The following ME3 variants were observed in gnomAD, a reference collection of about 807,000 sequenced individuals.
ME3 encodes malic enzyme 3.
Under a neutral mutation model 68.9 loss-of-function variants are expected in ME3, and 48 were observed. The ratio of observed to expected loss-of-function variants is 0.70; its 90% CI spans 0.55 to 0.89. The LOEUF is 0.89. Among genes scored for constraint, ME3 ranks in the 40% least tolerant of loss-of-function variants. The probability of loss-of-function intolerance (pLI) is 0.00; values close to 1 mark genes in which losing one functional copy is unlikely to be tolerated. For missense variants in ME3, 675 were observed against 797.4 expected (o/e 0.85, Z 1.85); for synonymous variants, 320 against 318.8 (o/e 1.00, Z -0.04).
chr11:86,520,923 G>C (rs1466985917), intron 4 of ME3, among the ~76,000 whole-genome samples: 4 of 152,182 alleles, frequency 2.6e-5, no homozygotes, highest in Admixed American at 1.3e-4. Context: ...GAAGAAGGTA[G>C]AACAGATAAC....
chr11:86,542,252 C>T (rs1051978308), intron 4 of ME3, among the ~76,000 whole-genome samples: 2 of 152,138 alleles, frequency 1.3e-5, no homozygotes, highest in Non-Finnish European at 2.9e-5. Flanking sequence ...TCTTCTGCTC[C>T]AAAGGATCAC....
exon 12 of ME3, chr11:86,447,151 A>G: frequency 6.2e-7 from 1 of 1,614,186 alleles, no homozygotes; most frequent in Non-Finnish European, 8.5e-7. Flanking sequence ...CGCTCGTGGA[A>G]GGAGGCCATG....
At chr11:86,649,479 G>C (rs1026451169) in intron 2 of ME3, among the ~76,000 whole-genome samples, 1 of 152,208 alleles carries the variant, frequency 6.6e-6, no homozygotes, top group African/African-American at 2.4e-5. Flanking sequence ...TCTGGCATGA[G>C]AAAGAAATAA....
At chr11:86,457,701 C>A in intron 8 of ME3, 1 of 1,288,826 alleles carries the variant, frequency 7.8e-7, no homozygotes, top group African/African-American at 1.5e-5. Context: ...CAGGGATGTG[C>A]TGGAACATGA....
At chr11:86,556,785 G>T (rs1386217903) in intron 3 of ME3, 83 bp from the exon 4 acceptor site, 1 of 1,469,168 alleles carries the variant, frequency 6.8e-7, no homozygotes, top group Non-Finnish European at 9.3e-7. Context: ...AAGACCCAAG[G>T]CTCCTGTTCC....
At chr11:86,657,001 C>T (rs4944622) in intron 2 of ME3, among the ~76,000 whole-genome samples, 30,150 of 152,058 alleles carry the variant, frequency 0.2, 3,799 homozygotes, top group East Asian at 0.56. Context: ...GAAATAGGAA[C>T]GCTTTTATAC....
intron 2 of ME3, among the ~76,000 whole-genome samples, chr11:86,565,200 T>TACAC (rs751891045): frequency 6.6e-6 from 1 of 151,290 alleles, no homozygotes; most frequent in African/African-American, 2.4e-5. Context: ...CACGTACACA[T>TACAC]ACACACACAC....
chr11:86,667,951 T>C (rs1283860572), intron 2 of ME3: 1 of 152,056 alleles, frequency 6.6e-6, no homozygotes, highest in African/African-American at 2.4e-5. Context: ...ATAGAAGAGG[T>C]CATTACATAA....
chr11:86,560,748 G>GTGTATATATATA (rs1243025217), intron 2 of ME3, among the ~76,000 whole-genome samples: 7 of 62,524 alleles, frequency 1.1e-4, no homozygotes, highest in African/African-American at 4.1e-4. Context: ...GTGTGTGTGT[G>GTGTATATATATA]TATATATATA....
intron 2 of ME3, among the ~76,000 whole-genome samples, chr11:86,625,294 C>T (rs1196885719): frequency 1.3e-5 from 2 of 151,820 alleles, no homozygotes; most frequent in African/African-American, 2.4e-5. Flanking sequence ...GGATTGTTTC[C>T]ACGCAGCAAG....
intron 2 of ME3, among the ~76,000 whole-genome samples, chr11:86,592,356 G>A (rs986020390): frequency 8.5e-5 from 13 of 152,158 alleles, no homozygotes; most frequent in Non-Finnish European, 1.3e-4. Flanking sequence ...CCTTGAGGGG[G>A]GGAAATAGGC....
intron 2 of ME3, among the ~76,000 whole-genome samples, chr11:86,658,558 G>A (rs1185990764): frequency 6.6e-6 from 1 of 152,144 alleles, no homozygotes; most frequent in African/African-American, 2.4e-5. Flanking sequence ...GGAGGCAGCT[G>A]ACTCTGTCCA....
chr11:86,580,343 G>T (rs1236839153), intron 2 of ME3, among the ~76,000 whole-genome samples: 1 of 151,936 alleles, frequency 6.6e-6, no homozygotes, highest in Non-Finnish European at 1.5e-5. Flanking sequence ...TGGCTACCAG[G>T]CTTTTCTAAA....
At chr11:86,538,212 A>G (rs1342265040) in intron 4 of ME3, among the ~76,000 whole-genome samples, 1 of 152,154 alleles carries the variant, frequency 6.6e-6, no homozygotes, top group African/African-American at 2.4e-5. Context: ...AGTTTTAACA[A>G]TATAGGATTG....
At chr11:86,461,660 G>T (rs999125244) in intron 8 of ME3, among the ~76,000 whole-genome samples, 9 of 152,176 alleles carry the variant, frequency 5.9e-5, no homozygotes, top group Non-Finnish European at 8.8e-5. Context: ...GGATGGCGAG[G>T]TGGCTCTCTC....
At chr11:86,529,544 G>A (rs1456524199) in intron 4 of ME3, among the ~76,000 whole-genome samples, 1 of 152,040 alleles carries the variant, frequency 6.6e-6, no homozygotes. Context: ...GCCTGGCAGA[G>A]ACACAACAAA....
chr11:86,580,508 T>C (rs1958381072), intron 2 of ME3, among the ~76,000 whole-genome samples: 1 of 152,238 alleles, frequency 6.6e-6, no homozygotes, highest in Admixed American at 6.5e-5. Flanking sequence ...TAATTTGCTT[T>C]TATAGATGAA....
chr11:86,662,930 G>A (rs1946374593), intron 2 of ME3, among the ~76,000 whole-genome samples: 1 of 152,142 alleles, frequency 6.6e-6, no homozygotes, highest in Non-Finnish European at 1.5e-5. Flanking sequence ...AAGTCCCTGG[G>A]CAGCCTCATA....
At chr11:86,650,411 G>A (rs901090291) in intron 2 of ME3, among the ~76,000 whole-genome samples, 1 of 152,254 alleles carries the variant, frequency 6.6e-6, no homozygotes, top group East Asian at 1.9e-4. Context: ...AATACTTCAT[G>A]GCTAAAACAC....
Sources: allele counts gnomAD v4.1 joint callset (sites outside exome capture counted in the v4.1 genomes callset), GRCh38; gene constraint gnomAD v4.1.1; transcripts MANE v1.5; gene names NCBI Gene and HGNC (gene_info 2026-07-23, HGNC 2026-07-21).